VAMP4: variants seen among roughly 807,000 people sequenced by gnomAD.
VAMP4 encodes vesicle associated membrane protein 4, also known as vesicle-associated membrane protein 4.
Under a neutral mutation model 23.5 loss-of-function variants are expected in VAMP4, and 19 were observed. The ratio of observed to expected loss-of-function variants is 0.81; its 90% CI spans 0.56 to 1.19. The LOEUF (loss-of-function observed/expected upper bound fraction) is 1.19. Among genes scored for constraint, VAMP4 ranks in the 50% most tolerant of loss-of-function variants. The pLI is 0.00. For synonymous variants in VAMP4, 31 were observed against 51.0 expected (o/e 0.61, Z 1.67); for missense variants, 145 against 168.6 (o/e 0.86, Z 0.78).
In VAMP4 at chr1:171,700,660, A is replaced by C. The variant is rs1654398966; in HGVS notation, c.*3846T>G. On this transcript the variant is annotated 3_prime_UTR_variant, in exon 8 of 8. Coordinates refer to ENST00000236192, the MANE Select transcript of VAMP4 (RefSeq NM_003762.5). Reference sequence around the variant, plus strand: ...AAGGCCCCACTCTTCAGTCACTCATATTGCTTCTCCAGAGAGCACTGTGGA... The same window carrying C: ...AAGGCCCCACTCTTCAGTCACTCATCTTGCTTCTCCAGAGAGCACTGTGGA... 6.6e-6 allele frequency: 1 copy of C among 152,236 alleles called. No individual in the cohort carries two copies. The highest frequency in any genetic ancestry group is 2.1e-4 in the South Asian group (1 of 4,836). The allele number at this position is 152,236 out of a possible 1,614,324, so 9.4% of individuals were successfully genotyped here.
chr1:171,726,982 A>G (rs1655391749), intron 3 of VAMP4, among the ~76,000 whole-genome samples: 1 of 152,114 alleles, frequency 6.6e-6, no homozygotes, highest in African/African-American at 2.4e-5. Context: ...TTGTAATCCC[A>G]GCACTTTGGA....
intron 4 of VAMP4, among the ~76,000 whole-genome samples, chr1:171,717,163 CAGA>C (rs1655045515): frequency 6.6e-6 from 1 of 152,102 alleles, no homozygotes; most frequent in African/African-American, 2.4e-5. Context: ...GTTCACTCTT[CAGA>C]AGGATATCAG....
intron 2 of VAMP4, among the ~76,000 whole-genome samples, chr1:171,736,829 T>C (rs1655758082): frequency 1.3e-5 from 2 of 151,948 alleles, no homozygotes; most frequent in South Asian, 2.1e-4. Context: ...AAACAAAAAC[T>C]AGCTGGGCAT....
chr1:171,705,454 A>C (rs553860128), intron 7 of VAMP4, among the ~76,000 whole-genome samples: 1 of 152,178 alleles, frequency 6.6e-6, no homozygotes, highest in Non-Finnish European at 1.5e-5. Context: ...TGTTTATGTT[A>C]TGAGTGCTGA....
At chr1:171,714,022 C>T (rs1006193338) in intron 4 of VAMP4, among the ~76,000 whole-genome samples, 1 of 152,294 alleles carries the variant, frequency 6.6e-6, no homozygotes, top group South Asian at 2.1e-4. Flanking sequence ...TTCTGCTACA[C>T]TATTAGTGAG....
chr1:171,705,844 A>G (rs113927643), intron 7 of VAMP4, among the ~76,000 whole-genome samples: 70 of 152,288 alleles, frequency 4.6e-4, no homozygotes, highest in African/African-American at 1.5e-3. Flanking sequence ...ATTAAGGGAA[A>G]AAGGACGGGA....
intron 4 of VAMP4, among the ~76,000 whole-genome samples, chr1:171,715,327 A>G (rs866511555): frequency 2.6e-5 from 4 of 152,208 alleles, no homozygotes; most frequent in African/African-American, 9.6e-5. Context: ...TGAGGAAAAG[A>G]CATTTCCAAT....
intron 2 of VAMP4, among the ~76,000 whole-genome samples, chr1:171,731,947 G>A (rs909634128): frequency 1.3e-5 from 2 of 152,008 alleles, no homozygotes; most frequent in Admixed American, 1.3e-4. Context: ...TAATAGCAAC[G>A]AATGTTTAAA....
intron 3 of VAMP4, 134 bp from the exon 4 acceptor site, chr1:171,719,355 G>T: frequency 1.5e-6 from 1 of 665,582 alleles, no homozygotes; most frequent in Non-Finnish European, 2.4e-6. Context: ...TATCATAAGG[G>T]ACCACATTTT....
chr1:171,722,984 G>A (rs541626569), intron 3 of VAMP4, among the ~76,000 whole-genome samples: 8 of 152,142 alleles, frequency 5.3e-5, no homozygotes, highest in South Asian at 2.1e-4. Context: ...CCTAAGTGTC[G>A]GCTGGTCTGA....
intron 5 of VAMP4, among the ~76,000 whole-genome samples, chr1:171,710,449 T>C (rs1470454936): frequency 6.6e-6 from 1 of 151,972 alleles, no homozygotes; most frequent in Non-Finnish European, 1.5e-5. Flanking sequence ...TTCATCAATA[T>C]CACAGGGCAA....
intron 3 of VAMP4, among the ~76,000 whole-genome samples, chr1:171,722,556 C>A (rs1655229609): frequency 6.6e-6 from 1 of 152,070 alleles, no homozygotes; most frequent in South Asian, 2.1e-4. Flanking sequence ...AAGAAATTTA[C>A]AAGAAAAAAT....
At chr1:171,734,478 G>A (rs1051923872) in intron 2 of VAMP4, among the ~76,000 whole-genome samples, 29 of 152,078 alleles carry the variant, frequency 1.9e-4, no homozygotes, top group African/African-American at 6.5e-4. Flanking sequence ...CTGCAAAAGG[G>A]CACAGCATTT....
Position 171,728,569 on chromosome 1 carries a change from C to A in VAMP4, c.68G>T (p.Arg23Ile), listed in dbSNP as rs1242626137. ...ATCTGAATCATCTTCCAAAAGATTT[C>A]TCTGTCAAAAAAAGAAAAAGACTTG... ...DVTGSVKSER[R>I]NLLEDDSDEE... The change falls in exon 3 of 8, where the codon AGA (arginine) becomes ATA (isoleucine). Residue 23 changes from arginine to isoleucine, a missense_variant and splice_region_variant. Physicochemically the swap from Arg to Ile is moderately conservative, Grantham distance 97 (BLOSUM62 -3). Coordinates refer to ENST00000236192, the MANE Select transcript of VAMP4 (RefSeq NM_003762.5). The A allele has an allele frequency of 5.1e-6, 8 of 1,555,518 alleles. No homozygotes were observed. The highest frequency in any genetic ancestry group is 2.8e-5 in the African/African-American group (2 of 71,970).
intron 4 of VAMP4, among the ~76,000 whole-genome samples, chr1:171,716,572 T>G (rs1655027514): frequency 1.3e-5 from 2 of 152,246 alleles, no homozygotes; most frequent in Non-Finnish European, 2.9e-5. Flanking sequence ...TGATGTCAAG[T>G]ATTTTTTGTA....
At chr1:171,718,768 AT>A (rs1480124959) in intron 4 of VAMP4, among the ~76,000 whole-genome samples, 1 of 152,186 alleles carries the variant, frequency 6.6e-6, no homozygotes, top group Non-Finnish European at 1.5e-5. Context: ...AAATAAATGG[AT>A]TTGACATAAG....
intron 4 of VAMP4, among the ~76,000 whole-genome samples, chr1:171,716,847 A>G (rs1655035125): frequency 6.6e-6 from 1 of 152,232 alleles, no homozygotes; most frequent in Non-Finnish European, 1.5e-5. Flanking sequence ...TTAGATAAGC[A>G]TTAATCAAGG....
At position 171,740,656 on chromosome 1, in the gene VAMP4, T is replaced by C. The variant is rs562051456; in HGVS notation, c.-50+1254A>G. 1.6e-3 allele frequency among the ~76,000 whole-genome samples: 243 copies of C among 152,318 alleles called. 1 individual carries two copies. Among genetic ancestry groups the C allele is most frequent in the African/African-American group, 5.1e-3 (212 of 41,572 alleles). The stretch of plus-strand genomic sequence containing the variant: ...TCATGCAGAAATGTAACAGAATGCA[T>C]GGAAAAACAGATGACAAGGCAAATT... On this transcript the variant is annotated intron_variant, in intron 1 of 7. Transcript: ENST00000236192.
At chr1:171,738,199 T>C in intron 2 of VAMP4, 150 bp downstream of exon 2, 1 of 795,734 alleles carries the variant, frequency 1.3e-6, no homozygotes. Flanking sequence ...CTTGAACTTC[T>C]GGGCTCAAGC....
Sources: allele counts gnomAD v4.1 joint callset (sites outside exome capture counted in the v4.1 genomes callset), GRCh38; gene constraint gnomAD v4.1.1; transcripts MANE v1.5; gene names NCBI Gene and HGNC (gene_info 2026-07-23, HGNC 2026-07-21).